The following SLAMF6 variants were observed in gnomAD, a reference collection of about 807,000 sequenced individuals.
The protein encoded by SLAMF6 is NK-T-B-antigen.
Under a neutral mutation model 38.3 loss-of-function variants are expected in SLAMF6, and 21 were observed. That is an observed-to-expected ratio of 0.55 (90% CI 0.39 to 0.79). The LOEUF (loss-of-function observed/expected upper bound fraction) is 0.79. Among genes scored for constraint, SLAMF6 ranks in the 30% least tolerant of loss-of-function variants. SLAMF6 has a pLI of 0.00. For missense variants in SLAMF6, 341 were observed against 385.3 expected, an observed-to-expected ratio of 0.89 and a Z score of 0.96; for synonymous variants, 152 against 146.3, an observed-to-expected ratio of 1.04 and a Z score of -0.28.
At chr1:160,512,879 A>C (rs1654559975) in intron 1 of SLAMF6, among the ~76,000 whole-genome samples, 2 of 152,162 alleles carry the variant, frequency 1.3e-5, no homozygotes, top group Non-Finnish European at 2.9e-5. Context: ...CTCAAAGATC[A>C]AAGCTAGATA....
In SLAMF6 at chr1:160,488,062, C is replaced by A. The variant is rs1214232339; in HGVS notation, c.880-887G>T. 8.0e-5 allele frequency among the ~76,000 whole-genome samples: 12 copies of A among 150,680 alleles called. No individual in the cohort carries two copies. In the East Asian group the frequency reaches 2.3e-3, roughly 29 times the overall value. On this transcript the variant is annotated intron_variant, in intron 6 of 7. Transcript: ENST00000368057. ...GCTGTGATTGTGCTACTGCACTCAG[C>A]CCTTGGTGACAGAGTGACACTCTGT...
chr1:160,509,942 T>C (rs1216884414), intron 1 of SLAMF6, among the ~76,000 whole-genome samples: 1 of 151,908 alleles, frequency 6.6e-6, no homozygotes, highest in African/African-American at 2.4e-5. Context: ...CTTATAGAAA[T>C]AACAACTAAA....
intron 1 of SLAMF6, among the ~76,000 whole-genome samples, chr1:160,516,516 A>G (rs1654752810): frequency 6.6e-6 from 1 of 152,214 alleles, no homozygotes; most frequent in African/African-American, 2.4e-5. Context: ...TAAAATTTAT[A>G]TGGAACCAAA....
At chr1:160,502,546 T>C (rs1653962909) in intron 1 of SLAMF6, among the ~76,000 whole-genome samples, 1 of 152,168 alleles carries the variant, frequency 6.6e-6, no homozygotes, top group South Asian at 2.1e-4. Context: ...GTTAAGTAGA[T>C]TGGAATTAGA....
chr1:160,509,325 TA>T (rs1275563650), intron 1 of SLAMF6, among the ~76,000 whole-genome samples: 1 of 152,084 alleles, frequency 6.6e-6, no homozygotes, highest in African/African-American at 2.4e-5. Flanking sequence ...TATGCAGCCA[TA>T]AAAAAGGAAG....
chr1:160,514,451 CA>C (rs1296928334), intron 1 of SLAMF6, among the ~76,000 whole-genome samples: 1 of 152,146 alleles, frequency 6.6e-6, no homozygotes, highest in Non-Finnish European at 1.5e-5. Context: ...ATCATTCAGA[CA>C]GAAAATTAAC....
intron 1 of SLAMF6, among the ~76,000 whole-genome samples, chr1:160,519,322 G>T (rs1654882812): frequency 6.6e-6 from 1 of 152,190 alleles, no homozygotes; most frequent in African/African-American, 2.4e-5. Flanking sequence ...AACAAGTGTT[G>T]ATGAGGATGT....
chr1:160,503,550 G>A (rs944230758), intron 1 of SLAMF6, among the ~76,000 whole-genome samples: 8 of 152,146 alleles, frequency 5.3e-5, no homozygotes, highest in African/African-American at 1.9e-4. Flanking sequence ...AGTATAGGTA[G>A]GTGTGGCATC....
chr1:160,507,610 T>C (rs1487663703), intron 1 of SLAMF6, among the ~76,000 whole-genome samples: 1 of 152,078 alleles, frequency 6.6e-6, no homozygotes, highest in Non-Finnish European at 1.5e-5. Context: ...TGCACATAAG[T>C]CGTTCTCATA....
At chr1:160,496,629 C>T (rs1439269041) in intron 1 of SLAMF6, among the ~76,000 whole-genome samples, 1 of 152,142 alleles carries the variant, frequency 6.6e-6, no homozygotes, top group Non-Finnish European at 1.5e-5. Context: ...CTAGATGAAA[C>T]CGGCCCAGTC....
intron 1 of SLAMF6, among the ~76,000 whole-genome samples, chr1:160,508,121 C>T (rs897605545): frequency 6.6e-6 from 1 of 152,150 alleles, no homozygotes; most frequent in Non-Finnish European, 1.5e-5. Context: ...CCCCATCAAG[C>T]TACCAATGAC....
chr1:160,491,847 T>C lies in SLAMF6; in HGVS notation c.383-459A>G, dbSNP rs115932947. ...TTCCTCTGCTATCAGAATTACCTAA[T>C]TGGGGTGGAAGATGGAAGCATCACT... On this transcript the variant is annotated intron_variant, in intron 2 of 7. Coordinates refer to ENST00000368057, the MANE Select transcript of SLAMF6 (RefSeq NM_001184714.2). Among the ~76,000 whole-genome samples the C allele has an allele frequency of 8.0e-3, 1,212 of 152,118 alleles. 5 individuals are homozygous for C. The highest frequency in any genetic ancestry group is 0.018 in the South Asian group (88 of 4,808).
At chr1:160,503,203 A>G (rs1161293411) in intron 1 of SLAMF6, among the ~76,000 whole-genome samples, 3 of 152,152 alleles carry the variant, frequency 2.0e-5, no homozygotes, top group Non-Finnish European at 2.9e-5. Context: ...AGTTGTTCTA[A>G]GAGAAGTAGA....
At chr1:160,518,211 A>G (rs1045260333) in intron 1 of SLAMF6, among the ~76,000 whole-genome samples, 70 of 152,180 alleles carry the variant, frequency 4.6e-4, no homozygotes, top group Non-Finnish European at 1.2e-4. Flanking sequence ...ATGGGATACC[A>G]TCTCACACAG....
chr1:160,490,586 C>A lies in SLAMF6; in HGVS notation c.746G>T (p.Arg249Met), dbSNP rs781644234. 4.3e-6 allele frequency: 7 copies of A among 1,612,924 alleles called. No individual in the cohort carries two copies. In the South Asian group the frequency reaches 7.7e-5, roughly 18 times the overall value. Residue 249 changes from arginine (R) to methionine (M), a missense_variant, in exon 4 of 8, where the codon AGG (arginine) becomes ATG (methionine). Arg to Met is a moderately conservative substitution (Grantham distance 91, BLOSUM62 -1). Coordinates refer to ENST00000368057, the MANE Select transcript of SLAMF6 (RefSeq NM_001184714.2). ...GFIILLLLVL[R>M]KRRDSLSLST... ...GAAAGGAAACCTGCCTCTTCTTTTC[C>A]TCAAAACAAGTAACAGCAGTATGAT...
chr1:160,504,895 T>G (rs986529270), intron 1 of SLAMF6, among the ~76,000 whole-genome samples: 4 of 152,184 alleles, frequency 2.6e-5, no homozygotes, highest in African/African-American at 7.2e-5. Flanking sequence ...CTGAGAAGAC[T>G]CTAAGATTTT....
At position 160,523,223 on chromosome 1, in the gene SLAMF6, C is replaced by A. The variant is rs756837917; in HGVS notation, c.-31G>T. 95 of 1,607,898 alleles carry A rather than the reference C, an allele frequency of 5.9e-5. No individual in the cohort carries two copies. Among genetic ancestry groups the A allele is most frequent in the Non-Finnish European group, 8.1e-5 (95 of 1,177,480 alleles). ...CCGCGGTGAAGACTGGTGCTTGAGA[C>A]CTTGAGGCAGTCAATGTTTTTGCCC... On this transcript the variant is annotated 5_prime_UTR_variant, in exon 1 of 8. Transcript: ENST00000368057.
intron 1 of SLAMF6, among the ~76,000 whole-genome samples, chr1:160,501,340 G>T (rs888425371): frequency 6.6e-5 from 10 of 152,176 alleles, no homozygotes; most frequent in African/African-American, 2.2e-4. Context: ...CTAGTGTAAG[G>T]CTTGCCTCTG....
chr1:160,494,116 C>A (rs148591644), intron 2 of SLAMF6, among the ~76,000 whole-genome samples: 1 of 152,230 alleles, frequency 6.6e-6, no homozygotes, highest in African/African-American at 2.4e-5. Flanking sequence ...TGGCACATAC[C>A]AAGAGATTGA....
Sources: allele counts gnomAD v4.1 joint callset (sites outside exome capture counted in the v4.1 genomes callset), GRCh38; gene constraint gnomAD v4.1.1; transcripts MANE v1.5; gene names NCBI Gene and HGNC (gene_info 2026-07-23, HGNC 2026-07-21).